The following SLC29A3 variants were observed in gnomAD, a reference collection of about 807,000 sequenced individuals.
SLC29A3 encodes solute carrier family 29 member 3.
SLC29A3 carries 18 observed loss-of-function variants against 25.4 expected under a neutral mutation model. That is an observed-to-expected ratio of 0.71 (90% CI 0.49 to 1.05). The LOEUF is 1.05. SLC29A3 is among the 50% of genes least tolerant of loss of function. SLC29A3 has a pLI of 0.00. For synonymous variants in SLC29A3, 258 were observed against 267.1 expected (o/e 0.97, Z 0.33); for missense variants, 586 against 609.0 (o/e 0.96, Z 0.40).
rs374582396 is a variant in SLC29A3, at chr10:71,373,549, C to T, written c.*95-2146C>T. Among the ~76,000 whole-genome samples the T allele has an allele frequency of 2.4e-3, 359 of 152,328 alleles. 1 individual carries two copies. The highest frequency in any genetic ancestry group is 8.0e-3 in the African/African-American group (332 of 41,568). On this transcript the variant is annotated intron_variant and NMD_transcript_variant, in intron 3 of 4. Transcript: ENST00000642772. The stretch of plus-strand genomic sequence containing the variant: ...TCATCCGTAAAATGGAGATATTAAT[C>T]CTGCATGCCTCGACATTCTGATCCT...
intron 4 of SLC29A3, among the ~76,000 whole-genome samples, chr10:71,378,993 C>T (rs1043096125): frequency 5.3e-5 from 8 of 152,330 alleles, no homozygotes; most frequent in East Asian, 3.9e-4. Flanking sequence ...AGGAGGAGGA[C>T]GATGGCTGGC....
At chr10:71,329,824 A>G (rs571662289) in intron 2 of SLC29A3, among the ~76,000 whole-genome samples, 1 of 152,330 alleles carries the variant, frequency 6.6e-6, no homozygotes, top group Non-Finnish European at 1.5e-5. Context: ...TAACCCATTA[A>G]ACAGGCAAAG....
intron 4 of SLC29A3, among the ~76,000 whole-genome samples, chr10:71,353,661 G>A (rs1347084518): frequency 1.3e-5 from 2 of 152,132 alleles, no homozygotes; most frequent in African/African-American, 4.8e-5. Context: ...CCAACACCCT[G>A]GAAAATCAAG....
Position 71,344,311 on chromosome 10 carries a change from C to T in SLC29A3, c.383+20C>T, listed in dbSNP as rs937053576. The T allele has an allele frequency of 6.3e-7, 1 of 1,581,196 alleles. No individual in the cohort carries two copies. Among genetic ancestry groups the T allele is most frequent in the South Asian group, 1.1e-5 (1 of 90,490 alleles). On this transcript the variant is annotated intron_variant, in intron 3 of 5. Transcript: ENST00000373189. ...CAACAGGTAGGCGACTCTCTTCCCT[C>T]TCTCAGGCCTCTGCCTTGGTCTCCT... is the stretch of plus-strand genomic sequence containing the variant.
chr10:71,331,929 T>G (rs1344587515), intron 2 of SLC29A3, among the ~76,000 whole-genome samples: 1 of 152,104 alleles, frequency 6.6e-6, no homozygotes, highest in Non-Finnish European at 1.5e-5. Context: ...GATGGCTTTA[T>G]CTCCCTGGGT....
chr10:71,362,591 C>T lies in SLC29A3; in HGVS notation c.1411C>T (p.Leu471=), dbSNP rs769561197. The T allele has an allele frequency of 6.2e-7, 1 of 1,614,048 alleles. No individual in the cohort carries two copies. The highest frequency in any genetic ancestry group is 1.3e-5 in the African/African-American group (1 of 74,926). Residue 471 remains leucine, a synonymous_variant, in exon 6 of 6, where the codon CTG becomes TTG. Transcript: ENST00000373189. ...LTLGSACSTL[L]VHLI is the part of the protein sequence containing the mutation. ...ACTGGGCTCAGCCTGCTCTACCCTC[C>T]TGGTGCACCTCATCTAGAAGGGAGG...
intron 3 of SLC29A3, among the ~76,000 whole-genome samples, chr10:71,346,546 T>G (rs1846587034): frequency 6.6e-6 from 1 of 152,042 alleles, no homozygotes; most frequent in South Asian, 2.1e-4. Context: ...AAAAATAAAT[T>G]TTTAAAAAAT....
chr10:71,360,926 T>C (rs1277554951), intron 5 of SLC29A3, among the ~76,000 whole-genome samples: 4 of 152,266 alleles, frequency 2.6e-5, no homozygotes, highest in African/African-American at 9.6e-5. Context: ...TTTTATGTAT[T>C]CATTTATGTT....
intron 4 of SLC29A3, among the ~76,000 whole-genome samples, chr10:71,352,198 G>A (rs545591973): frequency 1.3e-5 from 2 of 152,136 alleles, no homozygotes; most frequent in African/African-American, 2.4e-5. Flanking sequence ...CATGGTGTCT[G>A]GGTTGCAAAA....
intron 3 of SLC29A3, 34 bp downstream of exon 3, chr10:71,344,325 C>T (rs1846505431): frequency 6.6e-7 from 1 of 1,521,598 alleles, no homozygotes; most frequent in Non-Finnish European, 9.1e-7. Flanking sequence ...CAGGCCTCTG[C>T]CTTGGTCTCC....
At chr10:71,371,256 C>G (rs1847209202) in intron 3 of SLC29A3, among the ~76,000 whole-genome samples, 1 of 152,236 alleles carries the variant, frequency 6.6e-6, no homozygotes, top group Non-Finnish European at 1.5e-5. Flanking sequence ...GTGAGGTCCT[C>G]TTCCCAGCAC....
chr10:71,354,020 C>T (rs1340621032), intron 4 of SLC29A3, among the ~76,000 whole-genome samples: 1 of 152,146 alleles, frequency 6.6e-6, no homozygotes, highest in Non-Finnish European at 1.5e-5. Context: ...CCAGTTCTTG[C>T]AAAATGTCTA....
intron 2 of SLC29A3, among the ~76,000 whole-genome samples, chr10:71,334,663 A>G (rs10999778): frequency 0.32 from 49,117 of 152,068 alleles, 11,720 homozygotes; most frequent in African/African-American, 0.67. Flanking sequence ...AGACAGGGAC[A>G]GGAGGAAGAA....
rs368747183 is a variant in SLC29A3, at chr10:71,362,042, T to A, written c.862T>A (p.Ser288Thr). The change falls in exon 6 of 6, where the codon TCC (serine) becomes ACC (threonine). Residue 288 changes from serine (S) to threonine (T), a missense_variant. By Grantham distance (58) the Ser-to-Thr change is moderately conservative. Coordinates refer to ENST00000373189, the MANE Select transcript of SLC29A3 (RefSeq NM_018344.6). Reference protein sequence around the residue: ...QDSLSAPSVASRFIDSHTPPL... With the variant: ...QDSLSAPSVATRFIDSHTPPL... Reference sequence around the variant, plus strand: ...CTCCCTCAGTGCCCCTTCGGTGGCCTCCAGATTCATTGATTCCCACACACC... The same window carrying A: ...CTCCCTCAGTGCCCCTTCGGTGGCCACCAGATTCATTGATTCCCACACACC... The A allele has an allele frequency of 2.2e-5, 36 of 1,614,042 alleles. No individual in the cohort carries two copies. In the African/African-American group the frequency reaches 4.4e-4, roughly 20 times the overall value.
chr10:71,362,711 G>A lies in SLC29A3; in HGVS notation c.*103G>A, dbSNP rs780680. 2 of 1,498,678 alleles carry A rather than the reference G, an allele frequency of 1.3e-6. No individual in the cohort carries two copies. The highest frequency in any genetic ancestry group is 2.3e-5 in the South Asian group (2 of 86,304). The allele number at this position is 1,498,678 out of a possible 1,614,324, so 92.8% of individuals were successfully genotyped here. ...AGGAAAGGCCTAAAGTTTCACTTGG[G>A]GACAGAGAGCAGAGCACACTCGGGC... is the stretch of plus-strand genomic sequence containing the variant. On this transcript the variant is annotated 3_prime_UTR_variant, in exon 6 of 6. Transcript: ENST00000373189.
intron 2 of SLC29A3, among the ~76,000 whole-genome samples, chr10:71,323,526 G>T (rs1373917966): frequency 1.3e-5 from 2 of 152,228 alleles, no homozygotes; most frequent in Non-Finnish European, 2.9e-5. Flanking sequence ...AGGAGGAAAT[G>T]CCTGTTGCCT....
At chr10:71,338,114 AC>A (rs970152019) in intron 2 of SLC29A3, among the ~76,000 whole-genome samples, 3 of 151,962 alleles carry the variant, frequency 2.0e-5, no homozygotes, top group African/African-American at 7.3e-5. Context: ...TGGGTGAGGA[AC>A]CCCCATGCCC....
chr10:71,334,946 C>A (rs201907335), intron 2 of SLC29A3, among the ~76,000 whole-genome samples: 3 of 128,902 alleles, frequency 2.3e-5, no homozygotes, highest in African/African-American at 9.8e-5. Flanking sequence ...GCTGTTGACT[C>A]TTTTTTTTTC....
Position 71,362,752 on chromosome 10 carries a change from A to G in SLC29A3, c.*144A>G, listed in dbSNP as rs767061448. The G allele has an allele frequency of 1.8e-6, 2 of 1,085,406 alleles. No homozygotes were observed. Among genetic ancestry groups the G allele is most frequent in the East Asian group, 2.5e-5 (1 of 40,336 alleles). 67.2% of individuals were successfully genotyped at this position (1,085,406 alleles called of 1,614,324 possible). On this transcript the variant is annotated 3_prime_UTR_variant, in exon 6 of 6. Coordinates refer to ENST00000373189, the MANE Select transcript of SLC29A3 (RefSeq NM_018344.6). ...ACACTCGGGCCTCATCCCTCCCAAG[A>G]TGCCAGTGAGCCACGTCCATGCCCA...
Sources: allele counts gnomAD v4.1 joint callset (sites outside exome capture counted in the v4.1 genomes callset), GRCh38; gene constraint gnomAD v4.1.1; transcripts MANE v1.5; gene names NCBI Gene and HGNC (gene_info 2026-07-23, HGNC 2026-07-21).